The following ADGRV1 variants were observed in gnomAD, a reference collection of about 807,000 sequenced individuals.
ADGRV1 encodes G-protein coupled receptor 98.
A neutral mutation model predicts 596.2 loss-of-function variants in ADGRV1; 359 were observed. The ratio of observed to expected loss-of-function variants is 0.60; its 90% CI spans 0.55 to 0.66. ADGRV1 has a LOEUF of 0.66. Ranked by LOEUF, ADGRV1 falls within the 30% of genes least tolerant of loss-of-function variation. The pLI, the probability that ADGRV1 is intolerant of heterozygous loss-of-function variation, is 0.00. For missense variants in ADGRV1, 7,274 were observed against 7,575.6 expected (o/e 0.96, Z 1.48); for synonymous variants, 2,681 against 2,679.2 (o/e 1.00, Z -0.02).
chr5:90,843,002 TA>T (rs1765566345), intron 78 of ADGRV1, among the ~76,000 whole-genome samples: 2 of 152,218 alleles, frequency 1.3e-5, no homozygotes, highest in South Asian at 4.1e-4. Context: ...AAAATTCTAC[TA>T]ACATAGACTT....
At chr5:91,013,246 T>A (rs1387766597) in intron 85 of ADGRV1, among the ~76,000 whole-genome samples, 1 of 152,020 alleles carries the variant, frequency 6.6e-6, no homozygotes, top group East Asian at 1.9e-4. Context: ...TCATACCCAG[T>A]TGAATGATAG....
At chr5:90,643,156 A>T (rs1767216116) in intron 13 of ADGRV1, 115 bp downstream of exon 13, 2 of 930,754 alleles carry the variant, frequency 2.1e-6, no homozygotes, top group Non-Finnish European at 3.1e-6. Flanking sequence ...TGGGCAAGAA[A>T]AGACTGAGAA....
chr5:90,676,243 G>A, intron 25 of ADGRV1, 34 bp downstream of exon 25: 1 of 1,586,762 alleles, frequency 6.3e-7, no homozygotes, highest in Non-Finnish European at 8.6e-7. Context: ...TTAAATATTT[G>A]CTTGTCTACC....
chr5:90,654,228 C>A, intron 20 of ADGRV1: 3 of 411,338 alleles, frequency 7.3e-6, no homozygotes, highest in Non-Finnish European at 1.3e-5. Flanking sequence ...TGTAGGAAGA[C>A]AGAAAAAAAT....
Position 90,708,919 on chromosome 5 carries a change from G to A in ADGRV1, c.8824+10G>A, listed in dbSNP as rs180693049. 3.6e-4 allele frequency: 573 copies of A among 1,577,634 alleles called. 3 individuals are homozygous for A. In the Middle Eastern group the frequency reaches 4.3e-3, roughly 12 times the overall value. On this transcript the variant is annotated intron_variant, in intron 39 of 89. Transcript: ENST00000405460. ...TTTCCTCCCAGACTAGGTATGAGGGGTTTCTTGTTTGTTTCTTTTTGCTCA... is the reference window on the plus strand; with the variant it reads ...TTTCCTCCCAGACTAGGTATGAGGGATTTCTTGTTTGTTTCTTTTTGCTCA...
At chr5:90,610,544 T>C (rs952180058) in intron 1 of ADGRV1, among the ~76,000 whole-genome samples, 3 of 151,922 alleles carry the variant, frequency 2.0e-5, no homozygotes, top group African/African-American at 7.2e-5. Context: ...GGGGAAAATA[T>C]TAGACTGTGA....
chr5:90,630,043 G>T (rs965545431), intron 9 of ADGRV1: 1 of 152,410 alleles, frequency 6.6e-6, no homozygotes, highest in African/African-American at 2.4e-5. Flanking sequence ...TGTCACCCAG[G>T]CTGGAGTGCA....
intron 83 of ADGRV1, among the ~76,000 whole-genome samples, chr5:90,927,325 G>C: frequency 6.6e-6 from 1 of 151,406 alleles, no homozygotes; most frequent in Non-Finnish European, 1.5e-5. Flanking sequence ...CTCCTGTATT[G>C]GGTGCATATA....
chr5:90,668,865 C>T (rs892228535), intron 21 of ADGRV1, among the ~76,000 whole-genome samples: 11 of 152,042 alleles, frequency 7.2e-5, no homozygotes, highest in Admixed American at 1.3e-4. Context: ...AGTTAGGTAA[C>T]TTTTCCCTGT....
chr5:90,820,136 C>T (rs1232387309), intron 75 of ADGRV1, among the ~76,000 whole-genome samples: 1 of 151,240 alleles, frequency 6.6e-6, no homozygotes, highest in African/African-American at 2.4e-5. Flanking sequence ...ATAGTTAGCT[C>T]TTCTTGTTGA....
At chr5:90,586,580 T>C (rs535274184) in intron 1 of ADGRV1, among the ~76,000 whole-genome samples, 8 of 152,168 alleles carry the variant, frequency 5.3e-5, no homozygotes, top group Non-Finnish European at 1.2e-4. Context: ...TTAGCCCCCA[T>C]TTTTCCTGTA....
intron 85 of ADGRV1, among the ~76,000 whole-genome samples, chr5:91,053,824 T>G (rs1382962341): frequency 1.3e-5 from 2 of 152,188 alleles, no homozygotes; most frequent in Non-Finnish European, 2.9e-5. Flanking sequence ...CATACCAAAC[T>G]CTGATCTCCA....
Position 90,788,183 on chromosome 5 carries a change from T to G in ADGRV1, c.13766T>G (p.Val4589Gly), listed in dbSNP as rs539191638. The G allele has an allele frequency of 3.1e-6, 5 of 1,613,546 alleles. No homozygotes were observed. The Admixed American group carries it at 6.7e-5, about 22-fold the overall frequency. The change falls in exon 68 of 90, where the codon GTG becomes GGG. Residue 4589 changes from valine to glycine, a missense_variant. Val to Gly is a moderately radical substitution (Grantham distance 109). This residue lies in a region of ADGRV1 where 3,643 missense variants were observed against 3,809.2 expected (regional missense o/e 0.96). Coordinates refer to ENST00000405460, the MANE Select transcript of ADGRV1 (RefSeq NM_032119.4). ...TATTTTGGAGAAGGAGAAGGAGGAGTGAGAACCATAATTCTGACAATCTAT... is the reference window on the plus strand; with the variant it reads ...TATTTTGGAGAAGGAGAAGGAGGAGGGAGAACCATAATTCTGACAATCTAT... ...LFYFGEGEGG[V>G]RTIILTIYPH... is the part of the protein sequence containing the mutation.
intron 17 of ADGRV1, among the ~76,000 whole-genome samples, chr5:90,649,499 T>G (rs964945549): frequency 6.6e-6 from 1 of 151,996 alleles, no homozygotes; most frequent in African/African-American, 2.4e-5. Context: ...CATTTTTTTT[T>G]CTTTTTTGAG....
intron 58 of ADGRV1, chr5:90,762,816 T>C (rs1232611820): frequency 6.6e-6 from 1 of 152,650 alleles, no homozygotes; most frequent in African/African-American, 2.4e-5. Context: ...ATGGTAAATG[T>C]GCATTTCTTC....
At chr5:90,775,844 T>C (rs1247914707) in intron 60 of ADGRV1, among the ~76,000 whole-genome samples, 1 of 152,126 alleles carries the variant, frequency 6.6e-6, no homozygotes, top group Non-Finnish European at 1.5e-5. Context: ...ATTAATCCAT[T>C]GCCAAAGAAA....
intron 21 of ADGRV1, among the ~76,000 whole-genome samples, chr5:90,662,349 A>G (rs2149493439): frequency 6.6e-6 from 1 of 151,760 alleles, no homozygotes; most frequent in East Asian, 2.0e-4. Context: ...GCCCACCACC[A>G]TGCCCGGCTA....
At chr5:90,603,220 C>T (rs1371882399) in intron 1 of ADGRV1, among the ~76,000 whole-genome samples, 1 of 152,206 alleles carries the variant, frequency 6.6e-6, no homozygotes, top group African/African-American at 2.4e-5. Flanking sequence ...GAAGCCCCAA[C>T]ATTTTGTTCT....
chr5:91,004,065 G>C (rs1262337953), intron 85 of ADGRV1, among the ~76,000 whole-genome samples: 1 of 152,114 alleles, frequency 6.6e-6, no homozygotes, highest in East Asian at 1.9e-4. Context: ...AGATGTTACA[G>C]TATTAGAAAA....
Sources: gnomAD v4.1 joint callset for allele counts (sites outside exome capture counted in the v4.1 genomes callset) on GRCh38, gnomAD v4.1.1 for gene constraint, gnomAD v4.1.1 regional missense constraint, MANE v1.5 for transcripts, NCBI Gene and HGNC (gene_info 2026-07-23, HGNC 2026-07-21) for gene names.